Variants in TMEM231 observed in about 807,000 individuals in gnomAD.
TMEM231 encodes transmembrane protein 231.
A neutral mutation model predicts 38.5 loss-of-function variants in TMEM231; 40 were observed. The observed-to-expected ratio is 1.04, with a 90% CI of 0.81 to 1.35. The LOEUF is 1.35. Ranked by LOEUF, TMEM231 falls within the 40% of genes most tolerant of loss-of-function variation. The pLI is 0.00. For synonymous variants in TMEM231, 199 were observed against 181.7 expected, an observed-to-expected ratio of 1.10 and a Z score of -0.77; for missense variants, 420 against 416.9, an observed-to-expected ratio of 1.01 and a Z score of -0.07.
At chr16:75,553,800 G>C (rs767345756) in intron 2 of TMEM231, among the ~76,000 whole-genome samples, 1 of 152,054 alleles carries the variant, frequency 6.6e-6, no homozygotes, top group Non-Finnish European at 1.5e-5. Flanking sequence ...TAGGATTACA[G>C]GTGTGAGCTA....
At chr16:75,555,681 G>T (rs2080801722) in intron 2 of TMEM231, 123 bp downstream of exon 2, 2 of 1,039,446 alleles carry the variant, frequency 1.9e-6, no homozygotes. Context: ...TTGCGGGTTC[G>T]CGAGTCCTTA....
In TMEM231 at chr16:75,542,703, T is replaced by C. The variant is rs375984875; in HGVS notation, c.583-20A>G. 7 of 1,612,544 alleles carry C rather than the reference T, an allele frequency of 4.3e-6. No individual in the cohort carries two copies. The highest frequency in any genetic ancestry group is 1.3e-5 in the African/African-American group (1 of 74,842). ...GGATATCTGGGACACGGGAGGAGGA[T>C]GTGGTGTGAGCACCTGGGAGACTCC... On this transcript the variant is annotated intron_variant, in intron 4 of 6. Transcript: ENST00000258173.
intron 2 of TMEM231, among the ~76,000 whole-genome samples, chr16:75,551,538 C>A (rs1036332292): frequency 1.3e-5 from 2 of 152,176 alleles, no homozygotes; most frequent in African/African-American, 2.4e-5. Context: ...ATTTTATATA[C>A]CACTGATAAA....
At chr16:75,545,566 C>G in intron 3 of TMEM231, 71 bp from the exon 4 acceptor site, 2 of 1,163,834 alleles carry the variant, frequency 1.7e-6, no homozygotes, top group East Asian at 2.5e-5. Flanking sequence ...CTAAGAGTCA[C>G]CTGTCTTGGC....
rs181440194 is a variant in TMEM231, at chr16:75,543,518, C to T, written c.583-835G>A. ...CTGGGAGACAGAGGTTGCAGTGAGC[C>T]GAGATCATGCCACTCCACTGTAGCC... On this transcript the variant is annotated intron_variant, in intron 4 of 6. Coordinates refer to ENST00000258173, the MANE Select transcript of TMEM231 (RefSeq NM_001077418.3). Among the ~76,000 whole-genome samples, 19 of 151,940 alleles carry T rather than the reference C, an allele frequency of 1.3e-4. No homozygotes were observed. In the East Asian group the frequency reaches 2.9e-3, roughly 23 times the overall value.
At chr16:75,545,227 TG>T in intron 4 of TMEM231, 124 bp downstream of exon 4, 1 of 1,366,472 alleles carries the variant, frequency 7.3e-7, no homozygotes, top group Non-Finnish European at 9.9e-7. Context: ...CCCAAAGTGC[TG>T]GGATTACAGG....
chr16:75,547,732 T>C (rs1237581825), intron 2 of TMEM231, among the ~76,000 whole-genome samples: 3 of 152,000 alleles, frequency 2.0e-5, no homozygotes. Flanking sequence ...TGAGCCAAGA[T>C]CTTGCCACTG....
intron 2 of TMEM231, among the ~76,000 whole-genome samples, chr16:75,547,145 T>A (rs1007491430): frequency 6.6e-6 from 1 of 152,230 alleles, no homozygotes; most frequent in African/African-American, 2.4e-5. Context: ...TGGATCTTTT[T>A]GCTACAACTG....
At position 75,537,092 on chromosome 16, in the gene TMEM231, A is replaced by C. The variant is rs952429610; in HGVS notation, c.*2902T>G. The stretch of plus-strand genomic sequence containing the variant: ...AGCTGAGATCATGCTGCTGCACTCC[A>C]GCCTGGGTAACAGAGTGAGACTCTG... On this transcript the variant is annotated 3_prime_UTR_variant, in exon 7 of 7. Transcript: ENST00000258173. 1.4e-5 allele frequency: 2 copies of C among 147,992 alleles called. No individual in the cohort carries two copies. The highest frequency in any genetic ancestry group is 5.0e-5 in the African/African-American group (2 of 40,028). The allele number at this position is 147,992 out of a possible 1,614,324, so 9.2% of individuals were successfully genotyped here.
In TMEM231 at chr16:75,540,075, G is replaced by A. The variant is rs541349898; in HGVS notation, c.870C>T (p.Phe290=). The A allele has an allele frequency of 1.4e-4, 233 of 1,613,776 alleles. No individual in the cohort carries two copies. Among genetic ancestry groups the A allele is most frequent in the Non-Finnish European group, 1.9e-4 (225 of 1,179,758 alleles). Residue 290 remains phenylalanine (F), a synonymous_variant, in exon 7 of 7, where the codon TTC becomes TTT. Transcript: ENST00000258173. ...FLWVFERIKI[F]VFQNQVVTTI... ...TGGTCACCACCTGATTCTGAAACAC[G>A]AAGATCTTGATTCTTTCAAACACCC... is the stretch of plus-strand genomic sequence containing the variant.
intron 2 of TMEM231, among the ~76,000 whole-genome samples, chr16:75,551,572 A>G (rs1051655961): frequency 6.6e-6 from 1 of 152,216 alleles, no homozygotes; most frequent in Non-Finnish European, 1.5e-5. Flanking sequence ...CAATTAAACT[A>G]TGACACTTTT....
chr16:75,545,616 C>T (rs2080680676), intron 3 of TMEM231, 121 bp from the exon 4 acceptor site: 1 of 678,532 alleles, frequency 1.5e-6, no homozygotes, highest in Non-Finnish European at 2.3e-6. Flanking sequence ...CGTAGCCATG[C>T]AGGAAACACT....
chr16:75,552,936 C>G (rs749707208), intron 2 of TMEM231, among the ~76,000 whole-genome samples: 2 of 152,186 alleles, frequency 1.3e-5, no homozygotes, highest in African/African-American at 4.8e-5. Context: ...CCTTCAAGAG[C>G]TATGTCAGCC....
chr16:75,544,260 C>T (rs572427410), intron 4 of TMEM231, among the ~76,000 whole-genome samples: 22 of 152,236 alleles, frequency 1.4e-4, no homozygotes, highest in Admixed American at 3.3e-4. Flanking sequence ...GTAGGCCAGG[C>T]GGCAGGAGGG....
At chr16:75,552,680 A>G (rs181369100) in intron 2 of TMEM231, among the ~76,000 whole-genome samples, 1 of 151,998 alleles carries the variant, frequency 6.6e-6, no homozygotes, top group Admixed American at 6.6e-5. Flanking sequence ...TTGCATTTTT[A>G]TTTTTCTAAC....
At chr16:75,551,667 A>C (rs780810697) in intron 2 of TMEM231, among the ~76,000 whole-genome samples, 7 of 152,244 alleles carry the variant, frequency 4.6e-5, no homozygotes, top group Non-Finnish European at 1.0e-4. Context: ...ACTTAGAAAA[A>C]TATAAGCAAA....
chr16:75,537,842 A>C lies in TMEM231; in HGVS notation c.*2152T>G, dbSNP rs1403131991. On this transcript the variant is annotated 3_prime_UTR_variant, in exon 7 of 7. Transcript: ENST00000258173. Reference sequence around the variant, plus strand: ...TGTGATTCAGAGTCAGAAACTATCAACATCTGGTCTGTAAATAATTTCATA... The same window carrying C: ...TGTGATTCAGAGTCAGAAACTATCACCATCTGGTCTGTAAATAATTTCATA... The C allele has an allele frequency of 6.6e-6, 1 of 152,186 alleles. No homozygotes were observed. Among genetic ancestry groups the C allele is most frequent in the East Asian group, 1.9e-4 (1 of 5,192 alleles). 9.4% of individuals were successfully genotyped at this position (152,186 alleles called of 1,614,324 possible). A position where few individuals can be genotyped will look rare whatever the true frequency, so the allele number is the denominator to read the frequency against.
intron 2 of TMEM231, among the ~76,000 whole-genome samples, chr16:75,549,306 C>G (rs1294572039): frequency 6.6e-6 from 1 of 152,226 alleles, no homozygotes; most frequent in East Asian, 1.9e-4. Flanking sequence ...TTCTTTAACA[C>G]AAATTCTAGG....
rs2080676193 is a variant in TMEM231, at chr16:75,545,381, T to A, written c.553A>T (p.Ser185Cys). 1.2e-6 allele frequency: 2 copies of A among 1,612,598 alleles called. No homozygotes were observed. Among genetic ancestry groups the A allele is most frequent in the Non-Finnish European group, 1.7e-6 (2 of 1,179,320 alleles). ...DLRLQQKQPL[S>C]CGGLDARYNI... is the part of the protein sequence containing the mutation. ...TATCGGGCATCTAGGCCACCACAGC[T>A]CAGCGGCTGCTTCTGCTGCAGCCTC... is the stretch of plus-strand genomic sequence containing the variant. The change falls in exon 4 of 7, where the codon AGC becomes TGC. Residue 185 changes from serine to cysteine, a missense_variant. Transcript: ENST00000258173.
Sources: allele counts gnomAD v4.1 joint callset (sites outside exome capture counted in the v4.1 genomes callset), GRCh38; gene constraint gnomAD v4.1.1; transcripts MANE v1.5; gene names NCBI Gene and HGNC (gene_info 2026-07-23, HGNC 2026-07-21).